CACNA1I: variants seen among roughly 807,000 people sequenced by gnomAD.
CACNA1I encodes calcium voltage-gated channel subunit alpha1 I.
Under a neutral mutation model 201.6 loss-of-function variants are expected in CACNA1I, and 74 were observed. The observed-to-expected ratio is 0.37, with a 90% CI of 0.30 to 0.45. CACNA1I has a LOEUF of 0.45. Ranked by LOEUF, CACNA1I falls within the 20% of genes least tolerant of loss-of-function variation. The pLI, the probability that CACNA1I is intolerant of heterozygous loss-of-function variation, is 1.00. For synonymous variants in CACNA1I, 1,431 were observed against 1,345.2 expected (o/e 1.06, Z -1.40); for missense variants, 2,346 against 3,138.1 (o/e 0.75, Z 6.03).
intron 10 of CACNA1I, among the ~76,000 whole-genome samples, chr22:39,654,099 G>C (rs1173762504): frequency 6.6e-6 from 1 of 152,236 alleles, no homozygotes; most frequent in Non-Finnish European, 1.5e-5. Context: ...TTGTGGGGCA[G>C]GCTGGGGGAG....
chr22:39,661,991 G>A lies in CACNA1I; in HGVS notation c.2928G>A (p.Gly976=), dbSNP rs775631233. The A allele has an allele frequency of 1.3e-6, 2 of 1,561,314 alleles. No homozygotes were observed. The highest frequency in any genetic ancestry group is 1.7e-6 in the Non-Finnish European group (2 of 1,158,644). The change falls in exon 17 of 37, where the codon GGG becomes GGA. Residue 976 remains glycine, a synonymous_variant. Transcript: ENST00000402142. ...SLSSSRSSYY[G]PWGRSAAWAS... ...CCAGCTCCCGGAGCTCCTACTACGG[G>A]CCATGGGGCCGCAGCGCGGCCTGGG...
chr22:39,619,804 C>T (rs1933673714), intron 4 of CACNA1I, among the ~76,000 whole-genome samples: 1 of 152,140 alleles, frequency 6.6e-6, no homozygotes, highest in Admixed American at 6.5e-5. Flanking sequence ...GCAATGAAAC[C>T]TGACTCCCTC....
rs183747299 is a variant in CACNA1I, at chr22:39,673,169, G to A, written c.4783+87G>A. 932 of 1,161,934 alleles carry A rather than the reference G, an allele frequency of 8.0e-4. 25 individuals carry two copies. In the African/African-American group the frequency reaches 0.011, roughly 13 times the overall value. 72.0% of individuals were successfully genotyped at this position (1,161,934 alleles called of 1,614,324 possible). ...TGCCTGATGAGAACACACAGGAGTG[G>A]GGTGGGGAGGGGTGGGGGCAGGAGT... On this transcript the variant is annotated intron_variant, in intron 28 of 36. Coordinates refer to ENST00000402142, the MANE Select transcript of CACNA1I (RefSeq NM_021096.4).
intron 14 of CACNA1I, among the ~76,000 whole-genome samples, chr22:39,660,112 T>TAGG (rs1274145589): frequency 1.3e-5 from 2 of 152,148 alleles, no homozygotes; most frequent in Non-Finnish European, 2.9e-5. Flanking sequence ...CCCCCAAGAT[T>TAGG]AGGGACTCTG....
chr22:39,672,168 C>T (rs1385057853), intron 26 of CACNA1I, 31 bp from the exon 27 acceptor site: 1 of 1,460,490 alleles, frequency 6.8e-7, no homozygotes, highest in South Asian at 1.1e-5. Context: ...GTCATGTGCC[C>T]TGGATCATGC....
chr22:39,661,036 C>A, intron 15 of CACNA1I, 72 bp from the exon 16 acceptor site: 2 of 1,207,892 alleles, frequency 1.7e-6, no homozygotes, highest in Non-Finnish European at 2.4e-6. Context: ...TTGTCTGTCT[C>A]GTGGCTCCCT....
chr22:39,675,452 C>T (rs536528943), intron 29 of CACNA1I, among the ~76,000 whole-genome samples: 39 of 152,204 alleles, frequency 2.6e-4, no homozygotes, highest in African/African-American at 9.4e-4. Flanking sequence ...GCATGGGGCA[C>T]GGCACATGGA....
intron 1 of CACNA1I, among the ~76,000 whole-genome samples, chr22:39,584,138 G>A (rs1178817773): frequency 1.3e-5 from 2 of 152,218 alleles, no homozygotes; most frequent in African/African-American, 4.8e-5. Context: ...GAGGCTACAG[G>A]AGAAGGCTGT....
intron 8 of CACNA1I, 131 bp from the exon 9 acceptor site, chr22:39,647,691 G>A: frequency 1.5e-6 from 1 of 660,142 alleles, no homozygotes. Flanking sequence ...TAGGATTATA[G>A]GCATGAGCCA....
chr22:39,632,162 G>A (rs1934081418), intron 4 of CACNA1I, among the ~76,000 whole-genome samples: 1 of 152,194 alleles, frequency 6.6e-6, no homozygotes, highest in Non-Finnish European at 1.5e-5. Flanking sequence ...AGCAGGAGCG[G>A]GAATGAAGCA....
chr22:39,635,021 A>G (rs2146412911), intron 5 of CACNA1I, among the ~76,000 whole-genome samples: 3 of 152,230 alleles, frequency 2.0e-5, no homozygotes, highest in Middle Eastern at 6.8e-3. Context: ...CTTGTGTATG[A>G]AAGCAGGGGG....
In CACNA1I at chr22:39,659,245, T is replaced by A. The variant is rs136849; in HGVS notation, c.2330+129T>A. ...ACCTGGGTGTGAAGCCTGACACTGT[T>A]CCTCAGTCCCCTGTGGCTTTCAGCA... On this transcript the variant is annotated intron_variant, in intron 12 of 36. Transcript: ENST00000402142. This position sits in a 1 kb window ranked among gnomAD's most constrained non-coding sequence, Gnocchi z 4.3. The A allele has an allele frequency of 8.6e-7, 1 of 1,165,596 alleles. No homozygotes were observed. Among genetic ancestry groups the A allele is most frequent in the Non-Finnish European group, 1.2e-6 (1 of 819,848 alleles). The allele number at this position is 1,165,596 out of a possible 1,614,324, so 72.2% of individuals were successfully genotyped here. A position where few individuals can be genotyped will look rare whatever the true frequency, so the allele number is the denominator to read the frequency against.
chr22:39,604,368 G>C (rs543470581), intron 3 of CACNA1I, among the ~76,000 whole-genome samples: 1 of 152,290 alleles, frequency 6.6e-6, no homozygotes, highest in East Asian at 1.9e-4. Flanking sequence ...TGGATGAGGC[G>C]AGGTCTGCAG....
intron 1 of CACNA1I, among the ~76,000 whole-genome samples, chr22:39,596,800 G>A (rs1932904216): frequency 6.6e-6 from 1 of 152,096 alleles, no homozygotes; most frequent in South Asian, 2.1e-4. Context: ...AGACAAGGAG[G>A]GGCTTGCCGA....
At chr22:39,592,688 A>G (rs1000608146) in intron 1 of CACNA1I, among the ~76,000 whole-genome samples, 1 of 152,196 alleles carries the variant, frequency 6.6e-6, no homozygotes, top group African/African-American at 2.4e-5. Flanking sequence ...TCTGTCACCC[A>G]GAAATCCTGT....
intron 29 of CACNA1I, among the ~76,000 whole-genome samples, chr22:39,675,361 GCCT>G (rs1289487684): frequency 1.3e-5 from 2 of 152,136 alleles, no homozygotes; most frequent in African/African-American, 2.4e-5. Flanking sequence ...GGCCTCCCTG[GCCT>G]CCTTGCTCCC....
At chr22:39,585,221 G>A (rs1254921458) in intron 1 of CACNA1I, among the ~76,000 whole-genome samples, 13 of 150,812 alleles carry the variant, frequency 8.6e-5, no homozygotes, top group Admixed American at 3.3e-4. Flanking sequence ...CACTGTGCCC[G>A]GATAATTTTT....
At chr22:39,620,065 A>ACCTG (rs58664555) in intron 4 of CACNA1I, among the ~76,000 whole-genome samples, 3 of 94,496 alleles carry the variant, frequency 3.2e-5, no homozygotes, top group East Asian at 6.7e-4. Flanking sequence ...CCACCCACCC[A>ACCTG]TCCACCCACC....
intron 5 of CACNA1I, among the ~76,000 whole-genome samples, chr22:39,639,265 G>A (rs1934295697): frequency 6.6e-6 from 1 of 152,172 alleles, no homozygotes; most frequent in Admixed American, 6.5e-5. Context: ...CAAAAAGTTT[G>A]CCTACCTCTG....
Sources: allele counts gnomAD v4.1 joint callset (sites outside exome capture counted in the v4.1 genomes callset), GRCh38; gene constraint gnomAD v4.1.1; non-coding constraint Gnocchi (gnomAD v3.1); transcripts MANE v1.5; gene names NCBI Gene and HGNC (gene_info 2026-07-23, HGNC 2026-07-21).